The following RREB1 variants were observed in gnomAD, a reference collection of about 807,000 sequenced individuals.
The protein encoded by RREB1 is ras responsive element binding protein 1, also known as ras-responsive element-binding protein 1.
A neutral mutation model predicts 117.8 loss-of-function variants in RREB1; 27 were observed. The observed-to-expected ratio is 0.23, with a 90% CI of 0.17 to 0.32. RREB1 has a LOEUF of 0.32. Ranked by LOEUF, RREB1 falls within the 10% of genes least tolerant of loss-of-function variation. The probability of loss-of-function intolerance (pLI) is 1.00; values close to 1 mark genes in which losing one functional copy is unlikely to be tolerated. For missense variants in RREB1, 2,577 were observed against 2,378.2 expected, an observed-to-expected ratio of 1.08 and a Z score of -1.74; for synonymous variants, 1,298 against 1,026.7, an observed-to-expected ratio of 1.26 and a Z score of -5.05.
chr6:7,230,090 C>A lies in RREB1; in HGVS notation c.1991C>A (p.Ser664Tyr). The stretch of plus-strand genomic sequence containing the variant: ...GGGGTCTTGCGTGCCCACGTGCGCT[C>A]CCACCTGGGCATCTCGCCATACCAG... ...FSGVLRAHVRSHLGISPYQCN... is the reference protein window; with the variant it reads ...FSGVLRAHVRYHLGISPYQCN... Residue 664 changes from serine to tyrosine, a missense_variant, in exon 10 of 13, where the codon TCC becomes TAC. Transcript: ENST00000379938. The A allele has an allele frequency of 6.2e-7, 1 of 1,601,418 alleles. No homozygotes were observed. The highest frequency in any genetic ancestry group is 2.2e-5 in the East Asian group (1 of 44,620).
At chr6:7,130,724 C>G (rs1753745398) in intron 1 of RREB1, among the ~76,000 whole-genome samples, 1 of 150,812 alleles carries the variant, frequency 6.6e-6, no homozygotes, top group African/African-American at 2.4e-5. Flanking sequence ...TCAAGCAATT[C>G]TTCTGCCTTA....
Position 7,229,762 on chromosome 6 carries a change from G to A in RREB1, c.1663G>A (p.Glu555Lys). The part of the protein sequence containing the change: ...PPLKLLKGSV[E>K]AASNAHLLQS... ...CCTGAAGCTCCTCAAAGGCTCAGTG[G>A]AGGCGGCCTCCAACGCCCACCTGCT... is the stretch of plus-strand genomic sequence containing the variant. The change falls in exon 10 of 13, where the codon GAG becomes AAG. Residue 555 changes from glutamate (E) to lysine (K), a missense_variant. Physicochemically the swap from Glu to Lys is moderately conservative, Grantham distance 56 (BLOSUM62 1). Transcript: ENST00000379938. This position sits in a 1 kb window ranked among gnomAD's most constrained non-coding sequence, Gnocchi z 4.5. The A allele has an allele frequency of 6.2e-7, 1 of 1,605,894 alleles. No homozygotes were observed. Among genetic ancestry groups the A allele is most frequent in the Non-Finnish European group, 8.5e-7 (1 of 1,174,740 alleles).
intron 6 of RREB1, among the ~76,000 whole-genome samples, chr6:7,205,853 G>A (rs1766242886): frequency 1.3e-5 from 2 of 152,182 alleles, no homozygotes; most frequent in African/African-American, 4.8e-5. Context: ...ACACTTGTGG[G>A]AGAAAAGCCA....
chr6:7,152,946 ATTCTCTT>A, intron 1 of RREB1, among the ~76,000 whole-genome samples: 2 of 152,276 alleles, frequency 1.3e-5, no homozygotes, highest in Non-Finnish European at 2.9e-5. Flanking sequence ...GTCCTATGCG[ATTCTCTT>A]ACATACTTCT....
chr6:7,157,469 A>G (rs1401552863), intron 1 of RREB1, among the ~76,000 whole-genome samples: 1 of 151,920 alleles, frequency 6.6e-6, no homozygotes, highest in East Asian at 1.9e-4. Flanking sequence ...CTGTGTGCAC[A>G]TGTACCCTGT....
At chr6:7,142,781 C>G (rs910474938) in intron 1 of RREB1, among the ~76,000 whole-genome samples, 1 of 152,250 alleles carries the variant, frequency 6.6e-6, no homozygotes, top group Non-Finnish European at 1.5e-5. Flanking sequence ...GTGGCACCCC[C>G]TCTTTCCACT....
rs548901732 is a variant in RREB1 at position 7,220,194 on chromosome 6, T to G, written c.708-6273T>G. 2.6e-5 allele frequency among the ~76,000 whole-genome samples: 4 copies of G among 152,316 alleles called. No individual in the cohort carries two copies. The South Asian group carries it at 8.3e-4, about 32-fold the overall frequency. ...TACTCCAGCACTCTAAAGTTTCTTA[T>G]CCTCTTACAGAAACACTGGCCAACG... On this transcript the variant is annotated intron_variant, in intron 8 of 12. Transcript: ENST00000379938.
intron 1 of RREB1, among the ~76,000 whole-genome samples, chr6:7,163,568 G>T (rs1163356787): frequency 1.3e-5 from 2 of 151,748 alleles, no homozygotes; most frequent in African/African-American, 4.8e-5. Context: ...ATTTTTTTTT[G>T]TATTTTTAGT....
intron 1 of RREB1, among the ~76,000 whole-genome samples, chr6:7,172,238 C>T (rs1287578673): frequency 6.6e-6 from 1 of 151,664 alleles, no homozygotes; most frequent in Non-Finnish European, 1.5e-5. Flanking sequence ...AGCCACTGTG[C>T]CTGGCTTGCT....
intron 8 of RREB1, among the ~76,000 whole-genome samples, chr6:7,225,228 C>T (rs1003623748): frequency 3.3e-5 from 5 of 152,138 alleles, no homozygotes; most frequent in Admixed American, 6.5e-5. Flanking sequence ...GGGTCAGATA[C>T]GCTTGCACAC....
At chr6:7,248,430 C>T in intron 12 of RREB1, 81 bp from the exon 13 acceptor site, 2 of 1,257,520 alleles carry the variant, frequency 1.6e-6, no homozygotes, top group South Asian at 2.7e-5. Context: ...GCCTGGGAGC[C>T]TCATTCTTCC....
At chr6:7,192,764 C>A (rs1765476511) in intron 6 of RREB1, among the ~76,000 whole-genome samples, 1 of 151,992 alleles carries the variant, frequency 6.6e-6, no homozygotes. Context: ...ATTGATTTCC[C>A]TCTATTCTGT....
intron 4 of RREB1, chr6:7,184,686 T>C (rs1764987376): frequency 6.6e-6 from 1 of 152,152 alleles, no homozygotes; most frequent in South Asian, 2.1e-4. Context: ...TGTCAGTTCA[T>C]GAGTCACCCC....
Position 7,229,584 on chromosome 6 carries a change from C to T in RREB1, c.1485C>T (p.Ala495=). 6.2e-7 allele frequency: 1 copy of T among 1,612,166 alleles called. No homozygotes were observed. Among genetic ancestry groups the T allele is most frequent in the Non-Finnish European group, 8.5e-7 (1 of 1,178,678 alleles). Reference sequence around the variant, plus strand: ...CGCCCTTCTCCAAGGCCCCTGCCGCCCCACTGCAGGCGATCTTCAAGCACA... The same window carrying T: ...CGCCCTTCTCCAAGGCCCCTGCCGCTCCACTGCAGGCGATCTTCAAGCACA... The part of the protein sequence containing the change: ...SLPPFSKAPA[A]PLQAIFKHMP... The change falls in exon 10 of 13, where the codon GCC becomes GCT. Residue 495 remains alanine (A), a synonymous_variant. Coordinates refer to ENST00000379938, the MANE Select transcript of RREB1 (RefSeq NM_001003699.4). This position sits in a 1 kb window ranked among gnomAD's most constrained non-coding sequence, Gnocchi z 4.5.
chr6:7,219,555 G>C (rs569732506), intron 8 of RREB1, among the ~76,000 whole-genome samples: 138 of 152,300 alleles, frequency 9.1e-4, no homozygotes, highest in African/African-American at 3.1e-3. Context: ...TCACCAGCTC[G>C]TGTGGGAGTC....
intron 1 of RREB1, among the ~76,000 whole-genome samples, chr6:7,150,166 C>A (rs951184820): frequency 3.3e-5 from 5 of 152,146 alleles, no homozygotes; most frequent in Admixed American, 3.3e-4. Context: ...GGGTTGAAAA[C>A]TCCCCAGAGT....
chr6:7,146,722 G>T (rs890405068), intron 1 of RREB1, among the ~76,000 whole-genome samples: 3 of 151,432 alleles, frequency 2.0e-5, no homozygotes, highest in African/African-American at 7.3e-5. Flanking sequence ...GTTAGAAGCA[G>T]ACTCACATAG....
chr6:7,150,350 A>G (rs934020955), intron 1 of RREB1, among the ~76,000 whole-genome samples: 7 of 152,246 alleles, frequency 4.6e-5, no homozygotes, highest in African/African-American at 7.2e-5. Context: ...GCTGTAACGC[A>G]TGGTTAACAT....
chr6:7,244,714 G>A (rs575924705), intron 11 of RREB1, among the ~76,000 whole-genome samples: 6 of 152,214 alleles, frequency 3.9e-5, no homozygotes, highest in African/African-American at 1.4e-4. Flanking sequence ...TGCAGTCAGT[G>A]TAAAACTAAT....
Sources: allele counts gnomAD v4.1 joint callset (sites outside exome capture counted in the v4.1 genomes callset), GRCh38; gene constraint gnomAD v4.1.1; non-coding constraint Gnocchi (gnomAD v3.1); transcripts MANE v1.5; gene names NCBI Gene and HGNC (gene_info 2026-07-23, HGNC 2026-07-21).